Variants in IRAG1 observed in about 807,000 individuals in gnomAD.
The protein encoded by IRAG1 is inositol 1,4,5-triphosphate receptor associated 1, also known as IP3R-associated cGMP kinase substrate.
Under a neutral mutation model 106.2 loss-of-function variants are expected in IRAG1, and 62 were observed. That is an observed-to-expected ratio of 0.58 (90% confidence interval 0.48 to 0.72). The LOEUF (loss-of-function observed/expected upper bound fraction) is 0.72. IRAG1 is among the 30% of genes least tolerant of loss of function. The pLI, the probability that IRAG1 is intolerant of heterozygous loss-of-function variation, is 0.00. For synonymous variants in IRAG1, 462 were observed against 443.9 expected, an observed-to-expected ratio of 1.04 and a Z score of -0.51; for missense variants, 1,064 against 1,140.7, an observed-to-expected ratio of 0.93 and a Z score of 0.97.
At chr11:10,629,016 T>C (rs139083641) in intron 5 of IRAG1, among the ~76,000 whole-genome samples, 188 bp from the exon 6 acceptor site, 256 of 152,140 alleles carry the variant, frequency 1.7e-3, no homozygotes, top group African/African-American at 5.9e-3. Flanking sequence ...GCTCAAGAGA[T>C]GGGTGCCCTC....
intron 10 of IRAG1, among the ~76,000 whole-genome samples, chr11:10,619,842 G>A (rs1303899198): frequency 6.6e-6 from 1 of 152,206 alleles, no homozygotes; most frequent in Non-Finnish European, 1.5e-5. Flanking sequence ...CTAGAACTGA[G>A]AGAAAATGAG....
At chr11:10,671,885 A>C (rs1260816557) in intron 1 of IRAG1, among the ~76,000 whole-genome samples, 1 of 152,186 alleles carries the variant, frequency 6.6e-6, no homozygotes, top group Non-Finnish European at 1.5e-5. Flanking sequence ...AACACAAGGA[A>C]GCAACAATAA....
Position 10,693,612 on chromosome 11 carries a change from A to G in IRAG1, c.-10T>C. On this transcript the variant is annotated 5_prime_UTR_variant, in exon 1 of 21. Transcript: ENST00000423302. ...GGGGAGCTTTTACCATTTAAGGTCA[A>G]TGTTACATCTGGCTCCGGAGCTCAG... 4 of 1,534,748 alleles carry G rather than the reference A, an allele frequency of 2.6e-6. No homozygotes were observed. Among genetic ancestry groups the G allele is most frequent in the South Asian group, 1.2e-5 (1 of 84,014 alleles).
chr11:10,668,222 G>A (rs967397486), intron 1 of IRAG1, among the ~76,000 whole-genome samples: 1 of 152,186 alleles, frequency 6.6e-6, no homozygotes, highest in African/African-American at 2.4e-5. Context: ...TGGAAACATA[G>A]ACTTTAACCT....
At chr11:10,663,161 T>C (rs900756815) in intron 1 of IRAG1, among the ~76,000 whole-genome samples, 2 of 152,180 alleles carry the variant, frequency 1.3e-5, no homozygotes, top group African/African-American at 4.8e-5. Flanking sequence ...TTGGATTCTT[T>C]AGAAACTTTG....
intron 7 of IRAG1, 59 bp downstream of exon 7, chr11:10,627,914 G>C (rs1193788982): frequency 4.4e-6 from 7 of 1,578,986 alleles, no homozygotes; most frequent in Non-Finnish European, 6.0e-6. Flanking sequence ...CTGGTGTTCG[G>C]GGTAAGGGGA....
intron 18 of IRAG1, among the ~76,000 whole-genome samples, chr11:10,590,201 T>G (rs991152490): frequency 2.0e-5 from 3 of 152,160 alleles, no homozygotes; most frequent in Middle Eastern, 3.2e-3. Flanking sequence ...CTTGGTAAGT[T>G]TCTGTAAACT....
intron 1 of IRAG1, among the ~76,000 whole-genome samples, chr11:10,676,658 T>C (rs911796755): frequency 6.6e-6 from 1 of 151,958 alleles, no homozygotes; most frequent in Non-Finnish European, 1.5e-5. Flanking sequence ...ACAGGAGAGG[T>C]CACCTGAGAA....
intron 15 of IRAG1, among the ~76,000 whole-genome samples, chr11:10,596,281 C>T (rs1853302684): frequency 6.6e-6 from 1 of 152,174 alleles, no homozygotes; most frequent in Non-Finnish European, 1.5e-5. Flanking sequence ...TTACCAAGCC[C>T]TCAATCTTGC....
chr11:10,616,947 G>C, intron 10 of IRAG1: 1 of 825,868 alleles, frequency 1.2e-6, no homozygotes, highest in Non-Finnish European at 1.5e-6. Flanking sequence ...TCAGGGACTT[G>C]GAAAAATTAC....
In IRAG1 at chr11:10,634,062, C is replaced by T. The variant is rs2162044; in HGVS notation, c.235G>A (p.Ala79Thr). ...GTTGGACTGCAAGATACTCCTGCGG[C>T]AGGAGGACCCTGCCGGTTTAGAACA... is the stretch of plus-strand genomic sequence containing the variant. ...AQSPAGQGPP[A>T]AGVSCSPTPT... The change falls in exon 3 of 21, where the codon GCC (alanine) becomes ACC (threonine). Residue 79 changes from alanine (A) to threonine (T), a missense_variant. Ala to Thr is a moderately conservative substitution (Grantham distance 58). Transcript: ENST00000423302. 0.98 allele frequency: 1,580,326 copies of T among 1,607,164 alleles called. 777,240 individuals are homozygous for T. The highest frequency in any genetic ancestry group is 1 in the East Asian group (44,692 of 44,700).
rs1856742678 is a variant in IRAG1, at chr11:10,632,142, T to C, written c.330-81A>G. 5.6e-6 allele frequency: 5 copies of C among 890,484 alleles called. No individual in the cohort carries two copies. The East Asian group carries it at 1.3e-4, about 23-fold the overall frequency. 55.2% of individuals were successfully genotyped at this position (890,484 alleles called of 1,614,324 possible). A position where few individuals can be genotyped will look rare whatever the true frequency, so the allele number is the denominator to read the frequency against. ...GTGAAAAGATGCCTGTATATTCTTT[T>C]TCTTTTTCTTTCTTTCTTTCTTTGT... On this transcript the variant is annotated intron_variant, in intron 3 of 20. Coordinates refer to ENST00000423302, the MANE Select transcript of IRAG1 (RefSeq NM_130385.4).
At chr11:10,621,371 T>C (rs1855823133) in intron 10 of IRAG1, among the ~76,000 whole-genome samples, 1 of 152,198 alleles carries the variant, frequency 6.6e-6, no homozygotes, top group African/African-American at 2.4e-5. Flanking sequence ...CATAGGGCTC[T>C]TATGCTGAGA....
At position 10,645,370 on chromosome 11, in the gene IRAG1, T is replaced by C. The variant is rs148448135; in HGVS notation, c.225+6655A>G. Reference sequence around the variant, plus strand: ...TCCGGGCCTTGCTATTTCCCTATTATGTGATTTTCAGCAACTGGCTTAACC... The same window carrying C: ...TCCGGGCCTTGCTATTTCCCTATTACGTGATTTTCAGCAACTGGCTTAACC... On this transcript the variant is annotated intron_variant, in intron 2 of 20. Coordinates refer to ENST00000423302, the MANE Select transcript of IRAG1 (RefSeq NM_130385.4). Among the ~76,000 whole-genome samples the C allele has an allele frequency of 4.9e-3, 751 of 152,346 alleles. 8 individuals carry two copies. Among genetic ancestry groups the C allele is most frequent in the African/African-American group, 0.017 (719 of 41,574 alleles).
intron 9 of IRAG1, among the ~76,000 whole-genome samples, chr11:10,624,409 G>A (rs535291879): frequency 4.6e-5 from 7 of 152,320 alleles, no homozygotes; most frequent in African/African-American, 1.7e-4. Context: ...GAAAAGTGAG[G>A]CCTGAGAATT....
At chr11:10,666,905 G>A (rs1301590296) in intron 1 of IRAG1, among the ~76,000 whole-genome samples, 1 of 152,108 alleles carries the variant, frequency 6.6e-6, no homozygotes, top group Non-Finnish European at 1.5e-5. Flanking sequence ...GGTTTTCTTG[G>A]ATCACACTAG....
intron 10 of IRAG1, 56 bp downstream of exon 10, chr11:10,623,722 T>G (rs1856009403): frequency 6.6e-7 from 1 of 1,513,124 alleles, no homozygotes; most frequent in Non-Finnish European, 9.2e-7. Context: ...CCTTCCTTGA[T>G]CTGGCACAGA....
intron 2 of IRAG1, among the ~76,000 whole-genome samples, chr11:10,639,697 T>C (rs1241430132): frequency 2.6e-5 from 4 of 152,118 alleles, no homozygotes; most frequent in Admixed American, 6.5e-5. Flanking sequence ...TTTCTCTTTT[T>C]CTCCTGCTCC....
chr11:10,642,512 G>A (rs1443779418), intron 2 of IRAG1, among the ~76,000 whole-genome samples: 5 of 152,170 alleles, frequency 3.3e-5, no homozygotes, highest in Admixed American at 2.0e-4. Flanking sequence ...GTAGATGGGC[G>A]CTGGCAGACA....
Sources: allele counts gnomAD v4.1 joint callset (sites outside exome capture counted in the v4.1 genomes callset), GRCh38; gene constraint gnomAD v4.1.1; transcripts MANE v1.5; gene names NCBI Gene and HGNC (gene_info 2026-07-23, HGNC 2026-07-21).